Variants in ALDH1L1 observed in about 807,000 individuals in gnomAD.
ALDH1L1 encodes the protein cytosolic 10-formyltetrahydrofolate dehydrogenase.
ALDH1L1 carries 68 observed loss-of-function variants against 101.1 expected under a neutral mutation model. That is an observed-to-expected ratio of 0.67 (90% confidence interval 0.55 to 0.82). The LOEUF is 0.82. ALDH1L1 is among the 40% of genes least tolerant of loss of function. The pLI, the probability that ALDH1L1 is intolerant of heterozygous loss-of-function variation, is 0.00. For missense variants in ALDH1L1, 1,087 were observed against 1,172.7 expected (o/e 0.93, Z 1.07); for synonymous variants, 486 against 470.8 (o/e 1.03, Z -0.42).
intron 8 of ALDH1L1, among the ~76,000 whole-genome samples, chr3:126,148,133 G>A (rs2080734464): frequency 6.6e-6 from 1 of 152,138 alleles, no homozygotes; most frequent in African/African-American, 2.4e-5. Context: ...TATCAGATGA[G>A]AGTGGAGCCA....
chr3:126,180,630 G>A, upstream of ALDH1L1: 1 of 1,297,620 alleles, frequency 7.7e-7, no homozygotes, highest in East Asian at 3.4e-5. Context: ...AGCCCGTGAG[G>A]GGAGGGGCGC....
chr3:126,184,145 G>A (rs1192451153), upstream of ALDH1L1, among the ~76,000 whole-genome samples: 1 of 152,198 alleles, frequency 6.6e-6, no homozygotes, highest in Non-Finnish European at 1.5e-5. Flanking sequence ...TGAGGCTTGA[G>A]GTCAGACAGT....
intron 1 of ALDH1L1, among the ~76,000 whole-genome samples, chr3:126,167,157 T>C (rs2081185729): frequency 6.6e-6 from 1 of 152,150 alleles, no homozygotes; most frequent in Non-Finnish European, 1.5e-5. Context: ...GTTGCCTTTA[T>C]AACAAAACCC....
At chr3:126,110,392 A>G in intron 19 of ALDH1L1, 1 of 469,564 alleles carries the variant, frequency 2.1e-6, no homozygotes, top group Non-Finnish European at 3.8e-6. Flanking sequence ...AGAGGCCGGC[A>G]TATTTGACTA....
chr3:126,172,176 C>T (rs958511705), intron 1 of ALDH1L1, among the ~76,000 whole-genome samples: 26 of 152,126 alleles, frequency 1.7e-4, no homozygotes, highest in Non-Finnish European at 3.4e-4. Context: ...TGATTTTCTG[C>T]AAAACAATTA....
chr3:126,172,941 G>A (rs1474023564), intron 1 of ALDH1L1, among the ~76,000 whole-genome samples: 1 of 149,544 alleles, frequency 6.7e-6, no homozygotes, highest in Non-Finnish European at 1.5e-5. Flanking sequence ...GAATAGAATA[G>A]AAAGAATTAT....
intron 16 of ALDH1L1, among the ~76,000 whole-genome samples, chr3:126,122,740 G>A (rs781228766): frequency 2.6e-4 from 40 of 152,288 alleles, no homozygotes; most frequent in Non-Finnish European, 3.4e-4. Context: ...GATTAAGTTC[G>A]TATAAATCTG....
At chr3:126,111,853 G>A (rs1018836012) in intron 19 of ALDH1L1, among the ~76,000 whole-genome samples, 3 of 152,172 alleles carry the variant, frequency 2.0e-5, no homozygotes, top group Non-Finnish European at 2.9e-5. Flanking sequence ...TGCTCTTCGC[G>A]GAAGCTAAGC....
chr3:126,153,192 G>C lies in ALDH1L1; in HGVS notation c.858+252C>G, dbSNP rs1293130364. Reference sequence around the variant, plus strand: ...ACACCCACACAGGGCACTCAGCCTGGAGATGGGTGCCTAGCCAGGAAGGGT... The same window carrying C: ...ACACCCACACAGGGCACTCAGCCTGCAGATGGGTGCCTAGCCAGGAAGGGT... On this transcript the variant is annotated intron_variant, in intron 7 of 22. Coordinates refer to ENST00000393434, the MANE Select transcript of ALDH1L1 (RefSeq NM_012190.4). 1.1e-5 allele frequency: 6 copies of C among 545,274 alleles called. No homozygotes were observed. The East Asian group carries it at 2.1e-4, about 19-fold the overall frequency. 33.8% of individuals were successfully genotyped at this position (545,274 alleles called of 1,614,324 possible). A position where few individuals can be genotyped will look rare whatever the true frequency, so the allele number is the denominator to read the frequency against.
rs200654935 is a variant in ALDH1L1 at position 126,135,581 on chromosome 3, G to T, written c.1426C>A (p.Arg476=). 6.2e-7 allele frequency: 1 copy of T among 1,600,888 alleles called. No individual in the cohort carries two copies. The highest frequency in any genetic ancestry group is 2.3e-5 in the East Asian group (1 of 43,308). The change falls in exon 12 of 23, where the codon CGG becomes AGG. Residue 476 remains arginine, a synonymous_variant. Coordinates refer to ENST00000393434, the MANE Select transcript of ALDH1L1 (RefSeq NM_012190.4). ...TCCCGCGCACTGATCTTCCCCCACCGTCCATTCTCAAAGGCATCCTTGGCT... is the reference window on the plus strand; with the variant it reads ...TCCCGCGCACTGATCTTCCCCCACCTTCCATTCTCAAAGGCATCCTTGGCT... The part of the protein sequence containing the change: ...AAAKDAFENG[R]WGKISARDRG...
upstream of ALDH1L1, among the ~76,000 whole-genome samples, chr3:126,184,436 C>T (rs1430874149): frequency 6.6e-6 from 1 of 152,236 alleles, no homozygotes; most frequent in Non-Finnish European, 1.5e-5. Context: ...ACTGCAACAC[C>T]TCTGAGGGCA....
At chr3:126,181,187 C>T, upstream of ALDH1L1, 1 of 628,212 alleles carries the variant, frequency 1.6e-6, no homozygotes, top group Non-Finnish European at 2.8e-6. Context: ...GTGCCGCAGA[C>T]CCCTCCTCCT....
Position 126,150,417 on chromosome 3 carries a change from C to T in ALDH1L1, c.973G>A (p.Glu325Lys), listed in dbSNP as rs745740851. ...AAGTTGCCTCTTACCCGCACAGCCT[C>T]CGCAGTAACCAGCTCTGCCTCTGTC... is the stretch of plus-strand genomic sequence containing the variant. ...ELTEAELVTA[E>K]AVRSVWQRIL... The change falls in exon 8 of 23, where the codon GAG becomes AAG. Residue 325 changes from glutamate to lysine, a missense_variant. By Grantham distance (56) the Glu-to-Lys change is moderately conservative. Coordinates refer to ENST00000393434, the MANE Select transcript of ALDH1L1 (RefSeq NM_012190.4). The T allele has an allele frequency of 1.3e-6, 2 of 1,551,294 alleles. No homozygotes were observed. Among genetic ancestry groups the T allele is most frequent in the Non-Finnish European group, 1.7e-6 (2 of 1,146,890 alleles).
Position 126,124,522 on chromosome 3 carries a change from G to A in ALDH1L1, c.1801-71C>T, listed in dbSNP as rs762511188. 1,027 of 1,264,430 alleles carry A rather than the reference G, an allele frequency of 8.1e-4. 2 individuals are homozygous for A. Among genetic ancestry groups the A allele is most frequent in the Non-Finnish European group, 1.1e-3 (943 of 874,134 alleles). 78.3% of individuals were successfully genotyped at this position (1,264,430 alleles called of 1,614,324 possible). ...AAGTGGGGCTCTGCCTTCCCTCCCC[G>A]CCTTCCTCTCCCAGCAGCCCAGCAG... On this transcript the variant is annotated intron_variant, in intron 15 of 22. Transcript: ENST00000393434.
chr3:126,135,446 G>C (rs780668394), intron 12 of ALDH1L1, 89 bp downstream of exon 12: 10 of 1,548,156 alleles, frequency 6.5e-6, no homozygotes, highest in South Asian at 1.2e-5. Context: ...CCTCCTGGCA[G>C]GTAAAAGGGC....
chr3:126,111,033 G>A (rs1002203318), intron 19 of ALDH1L1, among the ~76,000 whole-genome samples: 23 of 152,066 alleles, frequency 1.5e-4, no homozygotes, highest in South Asian at 6.2e-4. Flanking sequence ...CTGTGTCCCC[G>A]CAGTCACACT....
At chr3:126,179,516 A>C (rs984627500) in intron 1 of ALDH1L1, among the ~76,000 whole-genome samples, 2 of 152,044 alleles carry the variant, frequency 1.3e-5, no homozygotes, top group Non-Finnish European at 2.9e-5. Flanking sequence ...ACAAACAAAC[A>C]AACAGCAGCC....
intron 1 of ALDH1L1, among the ~76,000 whole-genome samples, chr3:126,189,547 G>C (rs6795241): frequency 0.063 from 9,665 of 152,212 alleles, 406 homozygotes; most frequent in African/African-American, 0.11. Context: ...AGAAGAACTT[G>C]CTGTGGTGCC....
intron 12 of ALDH1L1, among the ~76,000 whole-genome samples, chr3:126,133,962 G>A (rs2080365993): frequency 6.6e-6 from 1 of 152,218 alleles, no homozygotes; most frequent in Admixed American, 6.5e-5. Context: ...CTGTCTACCA[G>A]GAGTTCAGGG....
Sources: allele counts gnomAD v4.1 joint callset (sites outside exome capture counted in the v4.1 genomes callset), GRCh38; gene constraint gnomAD v4.1.1; transcripts MANE v1.5; gene names NCBI Gene and HGNC (gene_info 2026-07-23, HGNC 2026-07-21).